AP3B2: variants seen among roughly 807,000 people sequenced by gnomAD.
The protein encoded by AP3B2 is adaptor related protein complex 3 subunit beta 2, also known as AP-3 complex subunit beta-2.
In AP3B2, 50 loss-of-function variants were observed where a neutral mutation model predicts 126.9. The ratio of observed to expected loss-of-function variants is 0.39; its 90% CI spans 0.31 to 0.50. AP3B2 has a LOEUF of 0.50. Ranked by LOEUF, AP3B2 falls within the 20% of genes least tolerant of loss-of-function variation. The pLI, the probability that AP3B2 is intolerant of heterozygous loss-of-function variation, is 0.79. For synonymous variants in AP3B2, 541 were observed against 565.0 expected, an observed-to-expected ratio of 0.96 and a Z score of 0.60; for missense variants, 1,177 against 1,426.4, an observed-to-expected ratio of 0.83 and a Z score of 2.82.
At position 82,678,156 on chromosome 15, in the gene AP3B2, C is replaced by T. The variant is rs751524621; in HGVS notation, c.1194G>A (p.Leu398=). ...TGTTGGTCTCATTGGCCAGGTTGGT[C>T]AGCACTTCCAGCTGCAGGGAGGGTT... ...TQIKILKLEV[L]TNLANETNIP... is the part of the protein sequence containing the mutation. The change falls in exon 11 of 27, where the codon CTG becomes CTA. Residue 398 remains leucine (L), a synonymous_variant. Coordinates refer to ENST00000535359, the MANE Select transcript of AP3B2 (RefSeq NM_001278512.2). The T allele has an allele frequency of 1.7e-5, 27 of 1,613,722 alleles. No homozygotes were observed. The highest frequency in any genetic ancestry group is 2.2e-5 in the Non-Finnish European group (26 of 1,179,872).
In AP3B2 at chr15:82,664,961, G is replaced by C. The variant is rs776157277; in HGVS notation, c.2029-18C>G. The C allele has an allele frequency of 6.4e-7, 1 of 1,560,770 alleles. No homozygotes were observed. The highest frequency in any genetic ancestry group is 8.8e-7 in the Non-Finnish European group (1 of 1,139,930). On this transcript the variant is annotated intron_variant, in intron 17 of 26. Coordinates refer to ENST00000535359, the MANE Select transcript of AP3B2 (RefSeq NM_001278512.2). This position sits in a 1 kb window ranked among gnomAD's most constrained non-coding sequence, Gnocchi z 4.5. ...TCAGGTACCTGGAGATGGGGGTAGG[G>C]TGCAGGGTCATTTCATCATGGTTGG...
Position 82,659,418 on chromosome 15 carries a change from C to T in AP3B2, c.*142G>A. The T allele has an allele frequency of 8.8e-7, 1 of 1,135,594 alleles. No individual in the cohort carries two copies. Among genetic ancestry groups the T allele is most frequent in the South Asian group, 1.5e-5 (1 of 66,848 alleles). The allele number at this position is 1,135,594 out of a possible 1,614,324, so 70.3% of individuals were successfully genotyped here. ...GAGGGCATTAGGGGAGGGCTTGGTC[C>T]TCCAGAGGGAGAGAGGACACCCTGA... On this transcript the variant is annotated 3_prime_UTR_variant, in exon 27 of 27. Coordinates refer to ENST00000535359, the MANE Select transcript of AP3B2 (RefSeq NM_001278512.2).
chr15:82,694,967 C>T (rs937219588), intron 1 of AP3B2, among the ~76,000 whole-genome samples: 5 of 152,142 alleles, frequency 3.3e-5, no homozygotes, highest in South Asian at 2.1e-4. Context: ...CAGTTCCTCA[C>T]GCAGAGATCC....
chr15:82,670,960 C>A (rs1412049593), intron 14 of AP3B2, among the ~76,000 whole-genome samples: 1 of 152,180 alleles, frequency 6.6e-6, no homozygotes, highest in Non-Finnish European at 1.5e-5. Context: ...TGATCAACAT[C>A]ATTGAGCATC....
At position 82,678,141 on chromosome 15, in the gene AP3B2, A is replaced by G. The variant is rs369371843; in HGVS notation, c.1209T>C (p.Asn403=). The change falls in exon 11 of 27, where the codon AAT becomes AAC. Residue 403 remains asparagine (N), a synonymous_variant. Transcript: ENST00000535359. Reference sequence around the variant, plus strand: ...GTAGGACAGTAGGAATGTTGGTCTCATTGGCCAGGTTGGTCAGCACTTCCA... The same window carrying G: ...GTAGGACAGTAGGAATGTTGGTCTCGTTGGCCAGGTTGGTCAGCACTTCCA... The part of the protein sequence containing the change: ...LKLEVLTNLA[N]ETNIPTVLRE... 1.4e-5 allele frequency: 22 copies of G among 1,612,488 alleles called. No individual in the cohort carries two copies. In the African/African-American group the frequency reaches 2.4e-4, roughly 18 times the overall value.
intron 25 of AP3B2, among the ~76,000 whole-genome samples, chr15:82,660,199 C>T (rs1020804584): frequency 2.9e-4 from 44 of 152,180 alleles, no homozygotes; most frequent in African/African-American, 1.1e-3. Flanking sequence ...CCCTCCCACC[C>T]AGGCCTTTAT....
At chr15:82,702,500 T>G (rs1005365157) in intron 1 of AP3B2, among the ~76,000 whole-genome samples, 1 of 152,164 alleles carries the variant, frequency 6.6e-6, no homozygotes, top group African/African-American at 2.4e-5. Flanking sequence ...CTGCCTTAAC[T>G]GATGACATTA....
intron 4 of AP3B2, chr15:82,685,401 G>C (rs2040643400): frequency 6.6e-6 from 1 of 152,112 alleles, no homozygotes; most frequent in Admixed American, 6.5e-5. Context: ...AGAGAATGAC[G>C]GGAATAGAAC....
chr15:82,671,667 G>T (rs2048161451), intron 14 of AP3B2, among the ~76,000 whole-genome samples: 1 of 151,708 alleles, frequency 6.6e-6, no homozygotes, highest in Admixed American at 6.6e-5. Flanking sequence ...CTTGCACCCA[G>T]GAGGCAGAGG....
At position 82,680,655 on chromosome 15, in the gene AP3B2, G is replaced by A. The variant is rs757027447; in HGVS notation, c.872C>T (p.Pro291Leu). The change falls in exon 8 of 27, where the codon CCC (proline) becomes CTC (leucine). Residue 291 changes from proline (P) to leucine (L), a missense_variant. By Grantham distance (98) the Pro-to-Leu change is moderately conservative. Coordinates refer to ENST00000535359, the MANE Select transcript of AP3B2 (RefSeq NM_001278512.2). This position sits in a 1 kb window ranked among gnomAD's most constrained non-coding sequence, Gnocchi z 6.1. ...GTCCATGACATAGGGCTTTCGGGAGGGGGCGGCCGCGGCGGCCGTCTCCTC... is the reference window on the plus strand; with the variant it reads ...GTCCATGACATAGGGCTTTCGGGAGAGGGCGGCCGCGGCGGCCGTCTCCTC... Reference protein sequence around the residue: ...GSEETAAAAAPSRKPYVMDPD... With the variant: ...GSEETAAAAALSRKPYVMDPD... The A allele has an allele frequency of 6.3e-7, 1 of 1,584,146 alleles. No homozygotes were observed. The highest frequency in any genetic ancestry group is 1.7e-5 in the Admixed American group (1 of 57,454).
At position 82,664,886 on chromosome 15, in the gene AP3B2, A is replaced by C; in HGVS notation, c.2086T>G (p.Phe696Val). ...GACTCCCCCTCAGAGTCCGAGTAGA[A>C]GGGTTTTTCCTTCTCCTTTCTCTTC... The part of the protein sequence containing the change: ...REKRKEKEKP[F>V]YSDSEGESGP... Residue 696 changes from phenylalanine (F) to valine (V), a missense_variant, in exon 18 of 27, where the codon TTC (phenylalanine) becomes GTC (valine). By Grantham distance (50) the Phe-to-Val change is conservative. Transcript: ENST00000535359. The surrounding 1 kb of genome is among the most constrained non-coding windows in gnomAD (Gnocchi z 4.5). The C allele has an allele frequency of 6.2e-7, 1 of 1,607,444 alleles. No individual in the cohort carries two copies. Among genetic ancestry groups the C allele is most frequent in the Non-Finnish European group, 8.5e-7 (1 of 1,177,050 alleles).
At chr15:82,667,168 CAA>C (rs1198924431) in intron 14 of AP3B2, among the ~76,000 whole-genome samples, 1 of 152,186 alleles carries the variant, frequency 6.6e-6, no homozygotes, top group East Asian at 1.9e-4. Context: ...CTTGGGCCAA[CAA>C]AAGAGGTTTT....
chr15:82,701,383 A>G (rs2048717278), intron 1 of AP3B2, among the ~76,000 whole-genome samples: 1 of 152,198 alleles, frequency 6.6e-6, no homozygotes, highest in Admixed American at 6.5e-5. Context: ...TATTAATAAT[A>G]AACAAAAATA....
In AP3B2 at chr15:82,666,920, G is replaced by A. The variant is rs1288393935; in HGVS notation, c.1679C>T (p.Thr560Ile). The A allele has an allele frequency of 6.2e-7, 1 of 1,610,706 alleles. No homozygotes were observed. ...TTTGGCCAGACTCAGCACATACTGGGTCAGCAGCTTGGTCTGGAGGAACAG... is the reference window on the plus strand; with the variant it reads ...TTTGGCCAGACTCAGCACATACTGGATCAGCAGCTTGGTCTGGAGGAACAG... ...LTNSKQTKLL[T>I]QYVLSLAKYD... The change falls in exon 15 of 27, where the codon ACC (threonine) becomes ATC (isoleucine). Residue 560 changes from threonine to isoleucine, a missense_variant. By Grantham distance (89) the Thr-to-Ile change is moderately conservative. This residue lies in a region of AP3B2 where 308 missense variants were observed against 452.4 expected (regional missense o/e 0.68). Transcript: ENST00000535359.
Position 82,681,290 on chromosome 15 carries a change from CTG to C in AP3B2, c.522-114_522-113del. ...CCAGCCTTATTGTTCTCCTCCATCT[CTG>C]TCAGTCCCCCAAACTACCCTCCTCA... On this transcript the variant is annotated intron_variant, in intron 5 of 26. Transcript: ENST00000535359. The surrounding 1 kb of genome is among the most constrained non-coding windows in gnomAD (Gnocchi z 4.0). The C allele has an allele frequency of 6.6e-7, 1 of 1,518,258 alleles. No individual in the cohort carries two copies. The highest frequency in any genetic ancestry group is 9.0e-7 in the Non-Finnish European group (1 of 1,116,990). The allele number at this position is 1,518,258 out of a possible 1,614,324, so 94.0% of individuals were successfully genotyped here. A position where few individuals can be genotyped will look rare whatever the true frequency, so the allele number is the denominator to read the frequency against.
rs373943793 is a variant in AP3B2 at position 82,665,451 on chromosome 15, G to A, written c.1971+6C>T. 4.5e-5 allele frequency: 72 copies of A among 1,589,280 alleles called. 1 individual carries two copies. In the South Asian group the frequency reaches 6.0e-4, roughly 13 times the overall value. On this transcript the variant is annotated splice_donor_region_variant and intron_variant, in intron 16 of 26. Coordinates refer to ENST00000535359, the MANE Select transcript of AP3B2 (RefSeq NM_001278512.2). The surrounding 1 kb of genome is among the most constrained non-coding windows in gnomAD (Gnocchi z 4.4). ...CACACACACTTCAACCCTCCACCCC[G>A]CTGACCTCCACGTTGCGCACAGATG...
chr15:82,663,639 A>G lies in AP3B2; in HGVS notation c.2437-19T>C. ...TGGGAGGCTGAAAGAGAAAAATGGG[A>G]TGTGGGTGTGGGGAAGGGGAGCACC... On this transcript the variant is annotated intron_variant, in intron 20 of 26. Transcript: ENST00000535359. 6.2e-7 allele frequency: 1 copy of G among 1,613,784 alleles called. No homozygotes were observed. The highest frequency in any genetic ancestry group is 8.5e-7 in the Non-Finnish European group (1 of 1,179,828).
In AP3B2 at chr15:82,682,047, C is replaced by CTTTTTTT. The variant is rs769028602; in HGVS notation, c.361-474_361-468dup. Among the ~76,000 whole-genome samples, 345 of 79,938 alleles carry CTTTTTTT rather than the reference C, an allele frequency of 4.3e-3. 19 individuals carry two copies. The highest frequency in any genetic ancestry group is 0.016 in the African/African-American group (297 of 18,210). 52.4% of individuals were successfully genotyped at this position (79,938 alleles called of 152,430 possible). On this transcript the variant is annotated intron_variant, in intron 4 of 26. Transcript: ENST00000535359. Reference sequence around the variant, plus strand: ...AACAAAATAGGGGTGTAGGCCCTTCCTTTTTTTTTTTTTTTTTTTTTTTGA... The same window carrying CTTTTTTT: ...AACAAAATAGGGGTGTAGGCCCTTCCTTTTTTTTTTTTTTTTTTTTTTTTTTTTTTGA...
chr15:82,695,379 G>A (rs2048616146), intron 1 of AP3B2, among the ~76,000 whole-genome samples: 1 of 152,130 alleles, frequency 6.6e-6, no homozygotes, highest in Non-Finnish European at 1.5e-5. Context: ...GATTATAGGC[G>A]TGAGCTGCTG....
Sources: allele counts gnomAD v4.1 joint callset (sites outside exome capture counted in the v4.1 genomes callset), GRCh38; gene constraint gnomAD v4.1.1; regional missense constraint gnomAD v4.1.1; non-coding constraint Gnocchi (gnomAD v3.1); transcripts MANE v1.5; gene names NCBI Gene and HGNC (gene_info 2026-07-23, HGNC 2026-07-21).